The following PLCL1 variants were observed in gnomAD, a reference collection of about 807,000 sequenced individuals.
PLCL1 encodes inactive phospholipase C-like protein 1.
A neutral mutation model predicts 84.4 loss-of-function variants in PLCL1; 41 were observed. That is an observed-to-expected ratio of 0.49 (90% CI 0.38 to 0.63). PLCL1 has a LOEUF of 0.63. Ranked by LOEUF, PLCL1 falls within the 30% of genes least tolerant of loss-of-function variation. The probability of loss-of-function intolerance (pLI) is 0.00; values close to 1 mark genes in which losing one functional copy is unlikely to be tolerated. For missense variants in PLCL1, 1,206 were observed against 1,367.8 expected (o/e 0.88, Z 1.87); for synonymous variants, 490 against 488.3 (o/e 1.00, Z -0.05).
chr2:197,957,201 A>G (rs1339266283), intron 1 of PLCL1, among the ~76,000 whole-genome samples: 1 of 152,038 alleles, frequency 6.6e-6, no homozygotes, highest in Non-Finnish European at 1.5e-5. Context: ...TAACTCTGCT[A>G]GAGTACTGAA....
chr2:197,868,074 G>A (rs1017540653), intron 1 of PLCL1, among the ~76,000 whole-genome samples: 3 of 152,184 alleles, frequency 2.0e-5, no homozygotes, highest in Non-Finnish European at 2.9e-5. Context: ...CTATCCACCC[G>A]GTGACCACTG....
chr2:197,888,235 AT>A (rs1407815916), intron 1 of PLCL1, among the ~76,000 whole-genome samples: 1 of 151,928 alleles, frequency 6.6e-6, no homozygotes, highest in Non-Finnish European at 1.5e-5. Flanking sequence ...ACTTCATTGA[AT>A]TGTTGGTCTT....
intron 1 of PLCL1, among the ~76,000 whole-genome samples, chr2:197,877,195 A>G (rs942870765): frequency 7.2e-5 from 11 of 152,118 alleles, no homozygotes; most frequent in African/African-American, 2.7e-4. Context: ...ACATCCACTA[A>G]GGTGGTTCTC....
intron 1 of PLCL1, among the ~76,000 whole-genome samples, chr2:197,860,139 T>A (rs1006471472): frequency 5.3e-5 from 8 of 152,180 alleles, no homozygotes; most frequent in African/African-American, 1.9e-4. Flanking sequence ...TGGTTTTCTA[T>A]GCCTGTGTTA....
chr2:197,962,490 T>C (rs938155154), intron 1 of PLCL1, among the ~76,000 whole-genome samples: 2 of 152,134 alleles, frequency 1.3e-5, no homozygotes, highest in Admixed American at 1.3e-4. Flanking sequence ...TATATATATT[T>C]ATGGGGTACT....
intron 5 of PLCL1, among the ~76,000 whole-genome samples, chr2:198,136,268 T>C (rs929858748): frequency 6.6e-6 from 1 of 152,096 alleles, no homozygotes; most frequent in Non-Finnish European, 1.5e-5. Context: ...TTCTAAAGAA[T>C]TTAGAGGTAT....
rs1398922674 is a variant in PLCL1 at position 198,090,576 on chromosome 2, T to TG, written c.2919+1516dup. 2.0e-5 allele frequency among the ~76,000 whole-genome samples: 3 copies of TG among 152,334 alleles called. No homozygotes were observed. In the East Asian group the frequency reaches 5.8e-4, roughly 29 times the overall value. ...CCACAGGGCATGTTCTGCTTATGAA[T>TG]GACCATACCTGTTATAAAATGTACT... On this transcript the variant is annotated intron_variant, in intron 3 of 5. Coordinates refer to ENST00000428675, the MANE Select transcript of PLCL1 (RefSeq NM_006226.4).
intron 1 of PLCL1, among the ~76,000 whole-genome samples, chr2:198,033,528 A>C (rs1691480875): frequency 6.6e-6 from 1 of 152,014 alleles, no homozygotes; most frequent in Non-Finnish European, 1.5e-5. Flanking sequence ...TATAATGTAA[A>C]CCTCTTGAGA....
rs185975623 is a variant in PLCL1 at position 197,901,939 on chromosome 2, A to T, written c.240+96600A>T. On this transcript the variant is annotated intron_variant, in intron 1 of 5. Coordinates refer to ENST00000428675, the MANE Select transcript of PLCL1 (RefSeq NM_006226.4). ...TCCCTAAAGACCTATATACCAAAAT[A>T]GTTTCCTATGTTAAGCACTTCTTAT... Among the ~76,000 whole-genome samples the T allele has an allele frequency of 2.2e-3, 332 of 152,288 alleles. 3 individuals are homozygous for T. The highest frequency in any genetic ancestry group is 7.4e-3 in the African/African-American group (309 of 41,552).
At chr2:197,982,336 A>G (rs1475742039) in intron 1 of PLCL1, among the ~76,000 whole-genome samples, 3 of 152,098 alleles carry the variant, frequency 2.0e-5, no homozygotes, top group African/African-American at 7.2e-5. Flanking sequence ...ACTTTTATTG[A>G]TAACCAAACA....
chr2:198,090,468 A>T (rs775456079), intron 3 of PLCL1, among the ~76,000 whole-genome samples: 2 of 152,208 alleles, frequency 1.3e-5, no homozygotes, highest in African/African-American at 4.8e-5. Flanking sequence ...CTTAAGGAAG[A>T]AAAGATGAAG....
rs768339587 is a variant in PLCL1, at chr2:198,086,216, T to C, written c.2699T>C (p.Met900Thr). The change falls in exon 2 of 6, where the codon ATG (methionine) becomes ACG (threonine). Residue 900 changes from methionine to threonine, a missense_variant. By Grantham distance (81) the Met-to-Thr change is moderately conservative. Transcript: ENST00000428675. The stretch of plus-strand genomic sequence containing the variant: ...CATCCATTACGAGAAGCCATAGATA[T>C]GAGAGAAAATATGCAGGTAGGAGAA... Reference protein sequence around the residue: ...AVHPLREAIDMRENMQNAIVS... With the variant: ...AVHPLREAIDTRENMQNAIVS... 5 of 1,606,254 alleles carry C rather than the reference T, an allele frequency of 3.1e-6. No homozygotes were observed. The highest frequency in any genetic ancestry group is 1.7e-5 in the Admixed American group (1 of 59,682).
chr2:197,928,702 T>C (rs1227137848), intron 1 of PLCL1, among the ~76,000 whole-genome samples: 1 of 152,200 alleles, frequency 6.6e-6, no homozygotes, highest in African/African-American at 2.4e-5. Context: ...AAAAAGGTGT[T>C]AAATCACTGA....
intron 1 of PLCL1, among the ~76,000 whole-genome samples, chr2:197,897,167 T>C (rs376134310): frequency 0.22 from 9,720 of 43,270 alleles, 848 homozygotes; most frequent in Middle Eastern, 0.26. Context: ...TTCTTCTTCT[T>C]CTTCTTCTTC....
intron 1 of PLCL1, among the ~76,000 whole-genome samples, chr2:198,044,667 TA>T (rs1439724006): frequency 6.6e-6 from 1 of 152,202 alleles, no homozygotes; most frequent in Non-Finnish European, 1.5e-5. Flanking sequence ...TTCTGATTTT[TA>T]AAAGTGAGTC....
intron 1 of PLCL1, among the ~76,000 whole-genome samples, chr2:198,046,571 C>T (rs906433941): frequency 6.6e-6 from 1 of 152,232 alleles, no homozygotes; most frequent in East Asian, 1.9e-4. Flanking sequence ...GGCTCAGTGG[C>T]TCATACCTGT....
At chr2:198,102,161 T>C (rs1202734730) in intron 4 of PLCL1, among the ~76,000 whole-genome samples, 1 of 152,108 alleles carries the variant, frequency 6.6e-6, no homozygotes, top group Non-Finnish European at 1.5e-5. Flanking sequence ...TGCTTTTCAC[T>C]GGCTGACCAG....
chr2:198,003,134 T>G lies in PLCL1; in HGVS notation c.241-80624T>G, dbSNP rs112221529. ...ATGAACTACACAGAATCATAAGAAA[T>G]TCATAAGAAAACTTTAGCAATCACA... On this transcript the variant is annotated intron_variant, in intron 1 of 5. Transcript: ENST00000428675. Among the ~76,000 whole-genome samples the G allele has an allele frequency of 5.6e-3, 859 of 152,230 alleles. 9 individuals carry two copies. The highest frequency in any genetic ancestry group is 0.019 in the African/African-American group (806 of 41,538).
chr2:197,808,777 G>T (rs1042721148), intron 1 of PLCL1, among the ~76,000 whole-genome samples: 15 of 152,218 alleles, frequency 9.9e-5, no homozygotes, highest in Non-Finnish European at 2.2e-4. Flanking sequence ...TGAGCTACAT[G>T]TGTATTTTAA....
Sources: gnomAD v4.1 joint callset for allele counts (sites outside exome capture counted in the v4.1 genomes callset) on GRCh38, gnomAD v4.1.1 for gene constraint, MANE v1.5 for transcripts, NCBI Gene and HGNC (gene_info 2026-07-23, HGNC 2026-07-21) for gene names.